Variants in TRIO observed in about 807,000 individuals in gnomAD.
The protein encoded by TRIO is triple functional domain protein.
Under a neutral mutation model 351.9 loss-of-function variants are expected in TRIO, and 58 were observed. The ratio of observed to expected loss-of-function variants is 0.16; its 90% confidence interval spans 0.13 to 0.21. TRIO has a LOEUF of 0.21. Among genes scored for constraint, TRIO ranks in the 10% least tolerant of loss-of-function variants. The pLI, the probability that TRIO is intolerant of heterozygous loss-of-function variation, is 1.00. For missense variants in TRIO, 3,201 were observed against 4,027.8 expected (o/e 0.79, Z 5.56); for synonymous variants, 1,758 against 1,595.7 (o/e 1.10, Z -2.42).
rs745851077 is a variant in TRIO at position 14,487,523 on chromosome 5, A to G, written c.6895A>G (p.Ser2299Gly). The change falls in exon 48 of 57, where the codon AGC (serine) becomes GGC (glycine). Residue 2299 changes from serine (S) to glycine (G), a missense_variant. Ser to Gly is a moderately conservative substitution (Grantham distance 56). Around this residue, in one of 19 missense-constraint regions of TRIO, gnomAD observed 1,089 missense variants for 954.9 expected, o/e 1.14. Coordinates refer to ENST00000344204, the MANE Select transcript of TRIO (RefSeq NM_007118.4). ...CAGCGGGGGCGGCGGCGGCGGCGGC[A>G]GCGGGGGCAGCGGCGGGGGTGGGGG... ...NHSGGGGGGG[S>G]GGSGGGGGSG... 1.0e-5 allele frequency: 9 copies of G among 897,880 alleles called. No homozygotes were observed. Among genetic ancestry groups the G allele is most frequent in the African/African-American group, 7.3e-5 (4 of 54,880 alleles). 55.6% of individuals were successfully genotyped at this position (897,880 alleles called of 1,614,324 possible).
At chr5:14,168,746 A>G (rs1050163066) in intron 1 of TRIO, among the ~76,000 whole-genome samples, 1 of 152,144 alleles carries the variant, frequency 6.6e-6, no homozygotes, top group Non-Finnish European at 1.5e-5. Context: ...TGGTTTAAAC[A>G]TTTCAGTTTT....
chr5:14,390,846 A>G (rs988322076), intron 26 of TRIO, 55 bp from the exon 27 acceptor site: 1 of 1,458,346 alleles, frequency 6.9e-7, no homozygotes, highest in Non-Finnish European at 9.3e-7. Context: ...ATGAAAGTTT[A>G]TCATGCGTTG....
intron 1 of TRIO, among the ~76,000 whole-genome samples, chr5:14,165,665 C>T (rs1788720193): frequency 6.6e-6 from 1 of 152,138 alleles, no homozygotes; most frequent in Non-Finnish European, 1.5e-5. Flanking sequence ...AGGAGAGTGA[C>T]TCATCCTGAG....
intron 1 of TRIO, among the ~76,000 whole-genome samples, chr5:14,264,156 TA>T (rs1795513040): frequency 6.6e-6 from 1 of 152,194 alleles, no homozygotes; most frequent in African/African-American, 2.4e-5. Context: ...TCATTTACAT[TA>T]AAAATATATA....
intron 49 of TRIO, among the ~76,000 whole-genome samples, chr5:14,493,301 C>T (rs1042140457): frequency 2.6e-5 from 4 of 152,022 alleles, no homozygotes; most frequent in African/African-American, 9.7e-5. Context: ...GCTTTGAAGA[C>T]ATTGCCTTTT....
chr5:14,216,868 G>A (rs1024357413), intron 1 of TRIO, among the ~76,000 whole-genome samples: 1 of 152,170 alleles, frequency 6.6e-6, no homozygotes, highest in Non-Finnish European at 1.5e-5. Context: ...GCTTCATATG[G>A]TAGATAGCCA....
intron 53 of TRIO, chr5:14,499,156 T>C (rs575329806): frequency 6.5e-6 from 1 of 153,724 alleles, no homozygotes; most frequent in East Asian, 1.9e-4. Context: ...TCTGGGTGAA[T>C]GCACGCCCTC....
chr5:14,483,568 T>C (rs1755690213), intron 46 of TRIO, among the ~76,000 whole-genome samples: 1 of 152,146 alleles, frequency 6.6e-6, no homozygotes, highest in African/African-American at 2.4e-5. Context: ...CGACTCTCCG[T>C]TCAGGCTTTT....
Position 14,254,195 on chromosome 5 carries a change from C to G in TRIO, c.158-16630C>G, listed in dbSNP as rs572160876. On this transcript the variant is annotated intron_variant, in intron 1 of 56. Coordinates refer to ENST00000344204, the MANE Select transcript of TRIO (RefSeq NM_007118.4). ...TCCTCAATAGTTCTCCCCCCCTCCC[C>G]CCGCCTGAGACGGAGTCTTGCTTTG... Among the ~76,000 whole-genome samples, 168 of 151,956 alleles carry G rather than the reference C, an allele frequency of 1.1e-3. 2 individuals carry two copies. Among genetic ancestry groups the G allele is most frequent in the African/African-American group, 3.9e-3 (161 of 41,432 alleles).
At chr5:14,196,409 C>G (rs1026618701) in intron 1 of TRIO, among the ~76,000 whole-genome samples, 1 of 130,110 alleles carries the variant, frequency 7.7e-6, no homozygotes. Context: ...GGCAACAGAG[C>G]CAGACTCCGT....
chr5:14,146,267 G>A (rs1310327136), intron 1 of TRIO, among the ~76,000 whole-genome samples: 3 of 152,122 alleles, frequency 2.0e-5, no homozygotes, highest in Non-Finnish European at 4.4e-5. Context: ...TCAGAAATCT[G>A]GCTTTCTTTT....
intron 1 of TRIO, among the ~76,000 whole-genome samples, chr5:14,173,129 C>T (rs1357424541): frequency 3.4e-5 from 5 of 148,384 alleles, no homozygotes; most frequent in Admixed American, 3.4e-4. Context: ...ACCTCTTCCT[C>T]TAGGAGGTCC....
chr5:14,491,431 A>G (rs1756474454), intron 48 of TRIO, among the ~76,000 whole-genome samples: 1 of 152,198 alleles, frequency 6.6e-6, no homozygotes, highest in Non-Finnish European at 1.5e-5. Context: ...TTTGAGCACA[A>G]GTTCACGGGA....
In TRIO at chr5:14,497,965, A is replaced by C; in HGVS notation, c.8047+91A>C. On this transcript the variant is annotated intron_variant, in intron 51 of 56. Transcript: ENST00000344204. This position sits in a 1 kb window ranked among gnomAD's most constrained non-coding sequence, Gnocchi z 4.4. Reference sequence around the variant, plus strand: ...CACTTGAGTGTGGCCTCTGGAAATGAGTTTTCCGTGGCGCTCTAGGCGTGC... The same window carrying C: ...CACTTGAGTGTGGCCTCTGGAAATGCGTTTTCCGTGGCGCTCTAGGCGTGC... 6.2e-7 allele frequency: 1 copy of C among 1,609,282 alleles called. No individual in the cohort carries two copies.
At position 14,487,779 on chromosome 5, in the gene TRIO, A is replaced by T. The variant is rs768857998; in HGVS notation, c.7151A>T (p.Glu2384Val). The change falls in exon 48 of 57, where the codon GAG (glutamate) becomes GTG (valine). Residue 2384 changes from glutamate (E) to valine (V), a missense_variant. Glu to Val is a moderately radical substitution (Grantham distance 121). Coordinates refer to ENST00000344204, the MANE Select transcript of TRIO (RefSeq NM_007118.4). ...CTGCCTCCCCCTGGCGCGGCCCCCG[A>T]GGCCGGCCCCAGCGCGCCCAGCAGG... ...PSLPPPGAAPEAGPSAPSRRP... is the reference protein window; with the variant it reads ...PSLPPPGAAPVAGPSAPSRRP... 6.0e-5 allele frequency: 82 copies of T among 1,371,774 alleles called. No homozygotes were observed. The highest frequency in any genetic ancestry group is 7.4e-5 in the Non-Finnish European group (79 of 1,061,016). The allele number at this position is 1,371,774 out of a possible 1,614,324, so 85.0% of individuals were successfully genotyped here. A position where few individuals can be genotyped will look rare whatever the true frequency, so the allele number is the denominator to read the frequency against.
chr5:14,334,822 A>G (rs1406182726), intron 10 of TRIO, among the ~76,000 whole-genome samples: 1 of 152,154 alleles, frequency 6.6e-6, no homozygotes, highest in Non-Finnish European at 1.5e-5. Flanking sequence ...ATGGCTAGAG[A>G]ACCTTTGTAG....
At chr5:14,191,557 G>T (rs1258804944) in intron 1 of TRIO, among the ~76,000 whole-genome samples, 2 of 150,464 alleles carry the variant, frequency 1.3e-5, no homozygotes, top group Admixed American at 1.3e-4. Context: ...AAAAAAAAGT[G>T]GTAGTAGTAG....
At chr5:14,346,611 G>A (rs918885438) in intron 11 of TRIO, among the ~76,000 whole-genome samples, 2 of 152,206 alleles carry the variant, frequency 1.3e-5, no homozygotes, top group African/African-American at 4.8e-5. Flanking sequence ...TTTTTAAACC[G>A]CTGGTCAGGA....
intron 42 of TRIO, 48 bp from the exon 43 acceptor site, chr5:14,479,871 C>T (rs1408314111): frequency 6.4e-7 from 1 of 1,561,426 alleles, no homozygotes; most frequent in Non-Finnish European, 8.8e-7. Flanking sequence ...AAAAAATTGC[C>T]CTTTAATGAA....
Sources: allele counts gnomAD v4.1 joint callset (sites outside exome capture counted in the v4.1 genomes callset), GRCh38; gene constraint gnomAD v4.1.1; regional missense constraint gnomAD v4.1.1; non-coding constraint Gnocchi (gnomAD v3.1); transcripts MANE v1.5; gene names NCBI Gene and HGNC (gene_info 2026-07-23, HGNC 2026-07-21).